Variants in PLEKHA7 observed in about 807,000 individuals in gnomAD.
PLEKHA7 encodes pleckstrin homology domain-containing family A member 7.
A neutral mutation model predicts 170.0 loss-of-function variants in PLEKHA7; 104 were observed. That is an observed-to-expected ratio of 0.61 (90% CI 0.52 to 0.72). The LOEUF (loss-of-function observed/expected upper bound fraction) is 0.72. PLEKHA7 is among the 30% of genes least tolerant of loss of function. PLEKHA7 has a pLI of 0.00. For synonymous variants in PLEKHA7, 648 were observed against 660.8 expected (o/e 0.98, Z 0.30); for missense variants, 1,615 against 1,671.7 (o/e 0.97, Z 0.59).
chr11:16,906,398 C>T (rs1857708753), intron 3 of PLEKHA7, among the ~76,000 whole-genome samples: 1 of 142,982 alleles, frequency 7.0e-6, no homozygotes, highest in African/African-American at 2.8e-5. Flanking sequence ...CTGCTGCCAT[C>T]TCGGCTCACT....
Position 16,802,996 on chromosome 11 carries a change from C to G in PLEKHA7, c.2133G>C (p.Lys711Asn). 6.2e-7 allele frequency: 1 copy of G among 1,614,144 alleles called. No homozygotes were observed. Reference protein sequence around the residue: ...QDRVLQDLEDKIRALKENKDQ... With the variant: ...QDRVLQDLEDNIRALKENKDQ... ...CTTTGTTCTCTTTAAGGGCTCGTAT[C>G]TTGTCTTCCAAGTCCTGGAGGACCC... The change falls in exon 15 of 27, where the codon AAG becomes AAC. Residue 711 changes from lysine to asparagine, a missense_variant. Lys to Asn is a moderately conservative substitution (Grantham distance 94, BLOSUM62 0). Coordinates refer to ENST00000531066, the MANE Select transcript of PLEKHA7 (RefSeq NM_001329630.2).
At chr11:17,013,922 C>T (rs1865485507) in intron 3 of PLEKHA7, 67 bp downstream of exon 3, 1 of 1,449,514 alleles carries the variant, frequency 6.9e-7, no homozygotes, top group African/African-American at 1.7e-5. Flanking sequence ...GCGGGGCGCC[C>T]GGCGGGAACG....
intron 3 of PLEKHA7, among the ~76,000 whole-genome samples, chr11:16,981,014 T>C (rs1863394629): frequency 2.0e-5 from 3 of 152,134 alleles, no homozygotes; most frequent in Admixed American, 6.5e-5. Flanking sequence ...ATACCTTCAA[T>C]AAACACAAGT....
intron 2 of PLEKHA7, 23 bp downstream of exon 2, chr11:17,014,102 C>T: frequency 6.3e-7 from 1 of 1,590,442 alleles, no homozygotes; most frequent in Non-Finnish European, 8.5e-7. Flanking sequence ...CGCGCGCCCC[C>T]CACCCGCCGG....
At chr11:16,819,003 C>T (rs1850003949) in intron 10 of PLEKHA7, among the ~76,000 whole-genome samples, 1 of 151,562 alleles carries the variant, frequency 6.6e-6, no homozygotes, top group Non-Finnish European at 1.5e-5. Flanking sequence ...CAGGGTTTCA[C>T]TGTGTTAGCC....
intron 8 of PLEKHA7, chr11:16,842,495 G>A (rs1852047427): frequency 6.6e-6 from 1 of 150,762 alleles, no homozygotes. Flanking sequence ...TCTCAAAAGA[G>A]GCACTACAGA....
intron 17 of PLEKHA7, among the ~76,000 whole-genome samples, chr11:16,796,601 T>C (rs936343466): frequency 6.6e-6 from 1 of 152,198 alleles, no homozygotes; most frequent in Non-Finnish European, 1.5e-5. Context: ...GACGGCTGTA[T>C]CATGCTGTGA....
intron 4 of PLEKHA7, among the ~76,000 whole-genome samples, chr11:16,866,000 G>T (rs1464689506): frequency 6.6e-6 from 1 of 151,558 alleles, no homozygotes; most frequent in Non-Finnish European, 1.5e-5. Flanking sequence ...ACCACACCAG[G>T]TTAATTTTTT....
chr11:16,989,379 C>A (rs529758188), intron 3 of PLEKHA7, among the ~76,000 whole-genome samples: 1 of 152,256 alleles, frequency 6.6e-6, no homozygotes, highest in African/African-American at 2.4e-5. Flanking sequence ...AAATGAGCTA[C>A]AAAATGGAGA....
chr11:16,784,115 T>A (rs1263261993), intron 24 of PLEKHA7, among the ~76,000 whole-genome samples: 1 of 152,066 alleles, frequency 6.6e-6, no homozygotes, highest in African/African-American at 2.4e-5. Context: ...TAAAAAATGA[T>A]CATCCTTAAT....
At chr11:16,887,462 T>C (rs958926436) in intron 3 of PLEKHA7, among the ~76,000 whole-genome samples, 1 of 152,162 alleles carries the variant, frequency 6.6e-6, no homozygotes, top group Non-Finnish European at 1.5e-5. Flanking sequence ...TGGACTGTAC[T>C]GCCGCCATCT....
At chr11:16,935,101 G>T (rs572326862) in intron 3 of PLEKHA7, among the ~76,000 whole-genome samples, 2 of 152,316 alleles carry the variant, frequency 1.3e-5, no homozygotes, top group South Asian at 4.1e-4. Flanking sequence ...GCTACTGTGG[G>T]GAAATTGGGA....
chr11:17,011,908 A>ACT (rs1278053844), intron 3 of PLEKHA7, among the ~76,000 whole-genome samples: 1 of 151,976 alleles, frequency 6.6e-6, no homozygotes, highest in Non-Finnish European at 1.5e-5. Flanking sequence ...AATGCTATCC[A>ACT]CTCAGGTGCC....
intron 3 of PLEKHA7, among the ~76,000 whole-genome samples, chr11:16,948,472 T>C (rs1318147112): frequency 6.6e-6 from 1 of 152,082 alleles, no homozygotes; most frequent in Non-Finnish European, 1.5e-5. Flanking sequence ...ATGTCCTCCA[T>C]TGCCTCACCC....
Position 16,852,359 on chromosome 11 carries a change from C to A in PLEKHA7, c.523-4G>T, listed in dbSNP as rs781707195. 1.6e-5 allele frequency: 26 copies of A among 1,613,518 alleles called. No homozygotes were observed. The highest frequency in any genetic ancestry group is 2.2e-5 in the Non-Finnish European group (26 of 1,179,742). ...ACAGCCTCATCCCAGAACTGTCCTG[C>A]AAAGCAAAGAAAACTAGTCAGGGTA... On this transcript the variant is annotated splice_region_variant and splice_polypyrimidine_tract_variant and intron_variant, in intron 6 of 26. Coordinates refer to ENST00000531066, the MANE Select transcript of PLEKHA7 (RefSeq NM_001329630.2).
At chr11:16,800,544 G>A (rs1437452027) in intron 17 of PLEKHA7, among the ~76,000 whole-genome samples, 2 of 152,222 alleles carry the variant, frequency 1.3e-5, no homozygotes, top group Admixed American at 6.5e-5. Flanking sequence ...TCTCCCTCTG[G>A]TAGAGGTGTG....
chr11:16,821,524 C>G (rs1029640194), intron 10 of PLEKHA7, among the ~76,000 whole-genome samples: 1 of 152,190 alleles, frequency 6.6e-6, no homozygotes, highest in African/African-American at 2.4e-5. Context: ...GCCAAAAATA[C>G]AGGATCATAT....
At chr11:16,896,836 C>T (rs1442638721) in intron 3 of PLEKHA7, among the ~76,000 whole-genome samples, 1 of 152,214 alleles carries the variant, frequency 6.6e-6, no homozygotes, top group African/African-American at 2.4e-5. Context: ...ACACTGTTCC[C>T]TTTTCTTGAG....
intron 3 of PLEKHA7, among the ~76,000 whole-genome samples, chr11:16,927,125 C>T (rs999631065): frequency 3.9e-5 from 6 of 152,154 alleles, no homozygotes; most frequent in Non-Finnish European, 5.9e-5. Context: ...GAATTTGAGA[C>T]TGCGGTGATC....
Sources: gnomAD v4.1 joint callset for allele counts (sites outside exome capture counted in the v4.1 genomes callset) on GRCh38, gnomAD v4.1.1 for gene constraint, MANE v1.5 for transcripts, NCBI Gene and HGNC (gene_info 2026-07-23, HGNC 2026-07-21) for gene names.